Variants in RPL12 observed in about 807,000 individuals in gnomAD.
RPL12 encodes large ribosomal subunit protein uL11.
In RPL12, 10 loss-of-function variants were observed where a neutral mutation model predicts 24.5. The ratio of observed to expected loss-of-function variants is 0.41; its 90% CI spans 0.25 to 0.69. The LOEUF (loss-of-function observed/expected upper bound fraction) is 0.69, where lower values mean the gene tolerates loss of function less well. Ranked by LOEUF, RPL12 falls within the 30% of genes least tolerant of loss-of-function variation. The pLI, the probability that RPL12 is intolerant of heterozygous loss-of-function variation, is 0.33. For missense variants in RPL12, 137 were observed against 205.3 expected (o/e 0.67, Z 2.03); for synonymous variants, 74 against 76.1 (o/e 0.97, Z 0.14).
intron 2 of RPL12, chr9:127,450,075 G>A (rs1834253513): frequency 4.4e-6 from 1 of 229,208 alleles, no homozygotes; most frequent in Non-Finnish European, 8.8e-6. Flanking sequence ...CTACTCTGAA[G>A]TTCTCCTCCT....
intron 5 of RPL12, 134 bp downstream of exon 5, chr9:127,448,203 G>A (rs1262238648): frequency 1.3e-5 from 13 of 979,100 alleles, no homozygotes; most frequent in East Asian, 9.6e-5. Flanking sequence ...TCCAATTTAC[G>A]ATCCATCCTT....
In RPL12 at chr9:127,451,364, A is replaced by C; in HGVS notation, c.-47T>G. Reference sequence around the variant, plus strand: ...ATGAACCCGGATTCGGGACGACCGAAGGAAGTTGCACCTTGGCCTCCTCCG... The same window carrying C: ...ATGAACCCGGATTCGGGACGACCGACGGAAGTTGCACCTTGGCCTCCTCCG... On this transcript the variant is annotated 5_prime_UTR_variant, in exon 1 of 7. Coordinates refer to ENST00000361436, the MANE Select transcript of RPL12 (RefSeq NM_000976.4). The C allele has an allele frequency of 3.7e-6, 6 of 1,610,148 alleles. No individual in the cohort carries two copies. The highest frequency in any genetic ancestry group is 5.1e-6 in the Non-Finnish European group (6 of 1,179,400).
intron 6 of RPL12, 65 bp from the exon 7 acceptor site, chr9:127,447,791 A>T: frequency 6.2e-7 from 1 of 1,612,330 alleles, no homozygotes; most frequent in Non-Finnish European, 8.5e-7. Context: ...ACCAGTAACC[A>T]TTTCCAAAAC....
chr9:127,449,214 C>T (rs1834225899), intron 4 of RPL12, 67 bp downstream of exon 4: 3 of 1,349,372 alleles, frequency 2.2e-6, no homozygotes, highest in East Asian at 4.6e-5. Flanking sequence ...TAAGGGAAAA[C>T]ACAGCCACAT....
intron 3 of RPL12, 40 bp downstream of exon 3, chr9:127,449,570 C>G: frequency 6.5e-7 from 1 of 1,534,218 alleles, no homozygotes; most frequent in Non-Finnish European, 9.0e-7. Context: ...GCTACCTGTC[C>G]CCCCACCCTC....
chr9:127,450,453 T>C (rs892810250), intron 2 of RPL12: 1 of 416,976 alleles, frequency 2.4e-6, no homozygotes, highest in South Asian at 3.9e-5. Flanking sequence ...CCAATGTCTC[T>C]AAGCCAGTCC....
chr9:127,450,597 T>A (rs2247322), intron 2 of RPL12, 134 bp downstream of exon 2: 364,827 of 620,302 alleles, frequency 0.59, 108,861 homozygotes, highest in Admixed American at 0.63. Context: ...ACCTAGTACT[T>A]GTTCAGTGGC....
Position 127,450,714 on chromosome 9 carries a change from TGGAG to T in RPL12, c.111+13_111+16del, listed in dbSNP as rs1564244453. On this transcript the variant is annotated intron_variant, in intron 2 of 6. Coordinates refer to ENST00000361436, the MANE Select transcript of RPL12 (RefSeq NM_000976.4). ...AAACAAATGTGAAAAAAATGCCCCT[TGGAG>T]GGGATAACGTACCAGACCCAGGGGG... 6.4e-7 allele frequency: 1 copy of T among 1,556,328 alleles called. No homozygotes were observed. The highest frequency in any genetic ancestry group is 1.7e-4 in the Middle Eastern group (1 of 5,922).
In RPL12 at chr9:127,449,719, A is replaced by C. The variant is rs1191742790; in HGVS notation, c.112-11T>G. 1 of 1,605,722 alleles carries C rather than the reference A, an allele frequency of 6.2e-7. No individual in the cohort carries two copies. The highest frequency in any genetic ancestry group is 2.2e-5 in the East Asian group (1 of 44,868). On this transcript the variant is annotated splice_polypyrimidine_tract_variant and intron_variant, in intron 2 of 6. Transcript: ENST00000361436. Reference sequence around the variant, plus strand: ...AACTTTTTTTGGAGACTAGAAATAAAGGCATGTAATCAACATGGTGTCCAG... The same window carrying C: ...AACTTTTTTTGGAGACTAGAAATAACGGCATGTAATCAACATGGTGTCCAG...
At chr9:127,450,949 G>C (rs1467484212) in intron 1 of RPL12, 145 bp from the exon 2 acceptor site, 3 of 697,996 alleles carry the variant, frequency 4.3e-6, no homozygotes, top group African/African-American at 1.8e-5. Context: ...TCCTCCCTCG[G>C]GTGTGGGCAG....
Position 127,447,877 on chromosome 9 carries a change from G to A in RPL12, c.492C>T (p.Ala164=), listed in dbSNP as rs140572425. Residue 164 remains alanine, a splice_region_variant and synonymous_variant, in exon 6 of 7, where the codon GCC becomes GCT. Coordinates refer to ENST00000361436, the MANE Select transcript of RPL12 (RefSeq NM_000976.4). The part of the protein sequence containing the change: ...DINSGAVECP[A]S ...CTGTAACAATGAAAATGTCACTTAC[G>A]GCTGGGCATTCCACAGCACCACTGT... 2.2e-4 allele frequency: 355 copies of A among 1,612,036 alleles called. No homozygotes were observed. Among genetic ancestry groups the A allele is most frequent in the Non-Finnish European group, 2.8e-4 (332 of 1,179,186 alleles).
chr9:127,449,556 G>A, intron 3 of RPL12, 54 bp downstream of exon 3: 2 of 1,503,550 alleles, frequency 1.3e-6, no homozygotes, highest in South Asian at 1.1e-5. Context: ...AATCCCAGAG[G>A]GTTGCTACCT....
At chr9:127,450,504 C>T (rs1834271511) in intron 2 of RPL12, 3 of 504,918 alleles carry the variant, frequency 5.9e-6, no homozygotes, top group Non-Finnish European at 1.1e-5. Flanking sequence ...CTCAGGTACA[C>T]TAAAGCAGCA....
At chr9:127,449,422 G>A in intron 3 of RPL12, 60 bp from the exon 4 acceptor site, 1 of 1,504,026 alleles carries the variant, frequency 6.6e-7, no homozygotes, top group Admixed American at 1.7e-5. Context: ...ATGCACGCTG[G>A]CTCTCAAAAA....
At position 127,451,348 on chromosome 9, in the gene RPL12, G is replaced by A. The variant is rs1364171377; in HGVS notation, c.-31C>T. ...AGGCGGCTGGTGTCGGATGAACCCG[G>A]ATTCGGGACGACCGAAGGAAGTTGC... On this transcript the variant is annotated 5_prime_UTR_variant, in exon 1 of 7. Coordinates refer to ENST00000361436, the MANE Select transcript of RPL12 (RefSeq NM_000976.4). 1.9e-6 allele frequency: 3 copies of A among 1,611,230 alleles called. No homozygotes were observed. The highest frequency in any genetic ancestry group is 2.5e-6 in the Non-Finnish European group (3 of 1,179,796).
At chr9:127,451,226 G>C in intron 1 of RPL12, 55 bp downstream of exon 1, 1 of 1,598,510 alleles carries the variant, frequency 6.3e-7, no homozygotes, top group Non-Finnish European at 8.5e-7. Flanking sequence ...TTGCACGCGC[G>C]GCAGGGCCGA....
Position 127,448,275 on chromosome 9 carries a change from T to A in RPL12, c.379+62A>T. ...CTGAGCACCCTTCAAGTAAGAAGAA[T>A]GTTATCACTCAGTGAAAAACACAAC... On this transcript the variant is annotated intron_variant, in intron 5 of 6. Transcript: ENST00000361436. 1.1e-5 allele frequency: 15 copies of A among 1,326,570 alleles called. 1 individual carries two copies. The South Asian group carries it at 1.6e-4, about 15-fold the overall frequency. 82.2% of individuals were successfully genotyped at this position (1,326,570 alleles called of 1,614,324 possible). A position where few individuals can be genotyped will look rare whatever the true frequency, so the allele number is the denominator to read the frequency against.
rs1834237613 is a variant in RPL12, at chr9:127,449,686, T to A, written c.134A>T (p.Asp45Val). Residue 45 changes from aspartate to valine, a missense_variant, in exon 3 of 7, where the codon GAC becomes GTC. Asp to Val is a radical substitution (Grantham distance 152). Transcript: ENST00000361436. Reference protein sequence around the residue: ...LGLSPKKVGDDIAKATGDWKG... With the variant: ...LGLSPKKVGDVIAKATGDWKG... ...CCAGTCACCCGTTGCCTTGGCAATG[T>A]CATCACCAACTTTTTTTGGAGACTA... 6.2e-7 allele frequency: 1 copy of A among 1,613,762 alleles called. No homozygotes were observed. Among genetic ancestry groups the A allele is most frequent in the African/African-American group, 1.3e-5 (1 of 74,924 alleles).
intron 5 of RPL12, 105 bp from the exon 6 acceptor site, chr9:127,448,094 G>A (rs528041730): frequency 1.5e-6 from 2 of 1,348,154 alleles, no homozygotes; most frequent in South Asian, 2.9e-5. Flanking sequence ...TGGAAGGAAT[G>A]AGGTTCCTGC....
Sources: gnomAD v4.1 joint callset for allele counts on GRCh38, gnomAD v4.1.1 for gene constraint, MANE v1.5 for transcripts, NCBI Gene and HGNC (gene_info 2026-07-23, HGNC 2026-07-21) for gene names.